Variants in ABI3BP observed in about 807,000 individuals in gnomAD.
ABI3BP encodes ABI family member 3 binding protein.
Under a neutral mutation model 268.6 loss-of-function variants are expected in ABI3BP, and 216 were observed. That is an observed-to-expected ratio of 0.80 (90% CI 0.72 to 0.90). ABI3BP has a LOEUF of 0.90. Ranked by LOEUF, ABI3BP falls within the 40% of genes least tolerant of loss-of-function variation. ABI3BP has a pLI of 0.00. For synonymous variants in ABI3BP, 730 were observed against 730.0 expected (o/e 1.00, Z 0.00); for missense variants, 2,090 against 2,182.4 (o/e 0.96, Z 0.84).
chr3:100,849,567 C>A (rs2098815931), intron 17 of ABI3BP, among the ~76,000 whole-genome samples: 1 of 152,076 alleles, frequency 6.6e-6, no homozygotes, highest in African/African-American at 2.4e-5. Context: ...CACCAAGAGT[C>A]AATGAACTTC....
At chr3:100,878,771 A>C (rs1581640278) in intron 6 of ABI3BP, among the ~76,000 whole-genome samples, 1 of 106,376 alleles carries the variant, frequency 9.4e-6, no homozygotes, top group Admixed American at 1.2e-4. Flanking sequence ...GAGAAGCCCC[A>C]CCAGCTTCTC....
intron 1 of ABI3BP, among the ~76,000 whole-genome samples, chr3:100,929,820 T>C (rs1188417406): frequency 1.3e-5 from 2 of 152,058 alleles, no homozygotes; most frequent in East Asian, 1.9e-4. Context: ...CTACATGCCT[T>C]GACTTACTCA....
chr3:100,760,217 C>T (rs1045533395), intron 63 of ABI3BP, among the ~76,000 whole-genome samples: 1 of 152,304 alleles, frequency 6.6e-6, no homozygotes, highest in Middle Eastern at 3.4e-3. Flanking sequence ...TGATTTATCT[C>T]AATTACTAGA....
rs1327102415 is a variant in ABI3BP at position 100,874,696 on chromosome 3, C to T, written c.910+145G>A. The T allele has an allele frequency of 2.7e-5, 13 of 490,146 alleles. No individual in the cohort carries two copies. The East Asian group carries it at 3.8e-4, about 14-fold the overall frequency. The allele number at this position is 490,146 out of a possible 1,614,324, so 30.4% of individuals were successfully genotyped here. ...TATAGAATGTTATTTATAATGAATACCTCCAACACTCCAACCTCTTTGCCT... is the reference window on the plus strand; with the variant it reads ...TATAGAATGTTATTTATAATGAATATCTCCAACACTCCAACCTCTTTGCCT... On this transcript the variant is annotated intron_variant, in intron 9 of 67. Coordinates refer to ENST00000471714, the MANE Select transcript of ABI3BP (RefSeq NM_001375547.2).
At chr3:100,909,740 A>T (rs2055384155) in intron 2 of ABI3BP, among the ~76,000 whole-genome samples, 1 of 152,240 alleles carries the variant, frequency 6.6e-6, no homozygotes, top group South Asian at 2.1e-4. Flanking sequence ...TTCCAGGTAG[A>T]ACGCCAATCA....
chr3:100,985,371 G>A (rs1050196099), intron 1 of ABI3BP, among the ~76,000 whole-genome samples: 7 of 151,674 alleles, frequency 4.6e-5, no homozygotes, highest in East Asian at 3.9e-4. Context: ...GGATGGTCTC[G>A]ATCCCCTGAC....
chr3:100,945,557 T>C, intron 1 of ABI3BP: 1 of 411,604 alleles, frequency 2.4e-6, no homozygotes, highest in Non-Finnish European at 4.8e-6. Context: ...GCTTTTCTGG[T>C]AATTAAATAT....
rs115635599 is a variant in ABI3BP, at chr3:100,768,866, T to A, written c.4741+1877A>T. On this transcript the variant is annotated intron_variant, in intron 62 of 67. Transcript: ENST00000471714. ...CTAACAACTTGAAGTTGCCCAAGGA[T>A]CCAGGCTATGGCCAATTTTTTGGTG... Among the ~76,000 whole-genome samples, 462 of 152,304 alleles carry A rather than the reference T, an allele frequency of 3.0e-3. 4 individuals are homozygous for A. Among genetic ancestry groups the A allele is most frequent in the African/African-American group, 0.011 (442 of 41,568 alleles).
chr3:100,966,297 A>G (rs965215892), intron 1 of ABI3BP, among the ~76,000 whole-genome samples: 4 of 152,220 alleles, frequency 2.6e-5, no homozygotes, highest in African/African-American at 9.6e-5. Flanking sequence ...ACCTTCATCC[A>G]TCACCTTAGC....
chr3:100,824,873 GT>G lies in ABI3BP; in HGVS notation c.2730del (p.Pro911LeufsTer11), dbSNP rs2098339120. On this transcript the variant is annotated frameshift_variant, in exon 36 of 68. Transcript: ENST00000471714. LOFTEE classifies it high-confidence loss of function. ...PRPKTTPSPQ[A>X]PETKPVPATV... ...ACAGATTTACCAGGTTTGGTCTCAG[GT>G]GCCTGAGGGCTCGGTGTAGTTTTAG... The G allele has an allele frequency of 1.4e-5, 22 of 1,535,928 alleles. No homozygotes were observed. The highest frequency in any genetic ancestry group is 1.9e-5 in the Non-Finnish European group (22 of 1,146,656).
chr3:100,880,897 T>C (rs888516926), intron 6 of ABI3BP, among the ~76,000 whole-genome samples: 3 of 152,182 alleles, frequency 2.0e-5, no homozygotes, highest in African/African-American at 7.2e-5. Context: ...AGGTTTAACA[T>C]TATTTTCAGG....
At chr3:100,955,405 AT>A (rs978378233) in intron 1 of ABI3BP, among the ~76,000 whole-genome samples, 4 of 152,102 alleles carry the variant, frequency 2.6e-5, no homozygotes, top group African/African-American at 9.7e-5. Flanking sequence ...CATTGGGACT[AT>A]TTTTTTGCCC....
intron 1 of ABI3BP, among the ~76,000 whole-genome samples, chr3:100,967,088 C>A (rs747130971): frequency 6.6e-5 from 10 of 152,086 alleles, no homozygotes; most frequent in Non-Finnish European, 1.2e-4. Context: ...AAGGCTTGAA[C>A]TGTATACCCT....
intron 6 of ABI3BP, 77 bp downstream of exon 6, chr3:100,885,459 T>A (rs2041535487): frequency 3.8e-6 from 3 of 785,714 alleles, no homozygotes; most frequent in Non-Finnish European, 5.7e-6. Context: ...AATTTCAGTA[T>A]CTTATAATAA....
chr3:100,834,639 C>T, intron 29 of ABI3BP, 45 bp downstream of exon 29: 1 of 1,515,294 alleles, frequency 6.6e-7, no homozygotes, highest in South Asian at 1.2e-5. Flanking sequence ...CCCCATGCCA[C>T]ATCCAATGGG....
In ABI3BP at chr3:100,851,913, G is replaced by A; in HGVS notation, c.1313C>T (p.Thr438Ile). Residue 438 changes from threonine to isoleucine, a missense_variant, in exon 15 of 68, where the codon ACA becomes ATA. Coordinates refer to ENST00000471714, the MANE Select transcript of ABI3BP (RefSeq NM_001375547.2). ...TATYDVFSSP[T>I]TSDEPEISDS... ...TGATATCTCAGGCTCATCTGATGTTGTAGGGCTTGAGAAAACATCATAAGT... is the reference window on the plus strand; with the variant it reads ...TGATATCTCAGGCTCATCTGATGTTATAGGGCTTGAGAAAACATCATAAGT... 6.3e-7 allele frequency: 1 copy of A among 1,581,622 alleles called. No individual in the cohort carries two copies. Among genetic ancestry groups the A allele is most frequent in the Non-Finnish European group, 8.6e-7 (1 of 1,163,444 alleles).
intron 4 of ABI3BP, among the ~76,000 whole-genome samples, chr3:100,891,105 G>A (rs940669955): frequency 2.0e-5 from 3 of 151,776 alleles, no homozygotes; most frequent in East Asian, 1.9e-4. Context: ...AAAAAGTAAC[G>A]TGAGTCTGTC....
chr3:100,812,157 G>T (rs1025641861), intron 46 of ABI3BP, among the ~76,000 whole-genome samples: 3 of 152,046 alleles, frequency 2.0e-5, no homozygotes, highest in African/African-American at 7.2e-5. Flanking sequence ...AAAAGCACGG[G>T]ATGAATCCTA....
intron 1 of ABI3BP, among the ~76,000 whole-genome samples, chr3:100,950,325 A>C (rs982341717): frequency 1.4e-4 from 22 of 152,216 alleles, no homozygotes; most frequent in Non-Finnish European, 3.1e-4. Flanking sequence ...TTAATACTAT[A>C]ATAAACAAAT....
Sources: gnomAD v4.1 joint callset for allele counts (sites outside exome capture counted in the v4.1 genomes callset) on GRCh38, gnomAD v4.1.1 for gene constraint, MANE v1.5 for transcripts, NCBI Gene and HGNC (gene_info 2026-07-23, HGNC 2026-07-21) for gene names.